The following TBC1D1 variants were observed in gnomAD, a reference collection of about 807,000 sequenced individuals.
TBC1D1 encodes TBC1 (tre-2/USP6, BUB2, cdc16) domain family, member 1.
In TBC1D1, 89 loss-of-function variants were observed where a neutral mutation model predicts 125.6. The ratio of observed to expected loss-of-function variants is 0.71; its 90% CI spans 0.60 to 0.85. TBC1D1 has a LOEUF of 0.85. TBC1D1 is among the 40% of genes least tolerant of loss of function. The pLI is 0.00. For missense variants in TBC1D1, 1,377 were observed against 1,469.2 expected (o/e 0.94, Z 1.03); for synonymous variants, 565 against 564.1 (o/e 1.00, Z -0.02).
chr4:38,006,622 GCA>G (rs1740270468), intron 2 of TBC1D1, among the ~76,000 whole-genome samples: 2 of 152,066 alleles, frequency 1.3e-5, no homozygotes, highest in Admixed American at 1.3e-4. Flanking sequence ...GGGACTACAG[GCA>G]TGTGCCACCA....
chr4:37,922,356 T>C (rs1721183451), intron 2 of TBC1D1, among the ~76,000 whole-genome samples: 1 of 152,118 alleles, frequency 6.6e-6, no homozygotes, highest in Admixed American at 6.5e-5. Context: ...TTTAGAGGGG[T>C]TCTGGCTTTA....
Position 38,014,556 on chromosome 4 carries a change from G to T in TBC1D1, c.465G>T (p.Arg155=). 1 of 1,613,322 alleles carries T rather than the reference G, an allele frequency of 6.2e-7. No individual in the cohort carries two copies. Among genetic ancestry groups the T allele is most frequent in the South Asian group, 1.1e-5 (1 of 91,080 alleles). The stretch of plus-strand genomic sequence containing the variant: ...TCCGTCAGGCGGGGAAGATCGCCCG[G>T]CAGGAGGAGCTGCACTGCCCGTCCG... Residue 155 remains arginine, a synonymous_variant, in exon 3 of 20, where the codon CGG becomes CGT. Coordinates refer to ENST00000261439, the MANE Select transcript of TBC1D1 (RefSeq NM_015173.4). This position sits in a 1 kb window ranked among gnomAD's most constrained non-coding sequence, Gnocchi z 5.1.
At chr4:38,045,088 T>C (rs11096921) in intron 9 of TBC1D1, among the ~76,000 whole-genome samples, 14,043 of 152,200 alleles carry the variant, frequency 0.092, 1,525 homozygotes, top group African/African-American at 0.26. Flanking sequence ...GTTTGCCAAA[T>C]ATAGCTCTAT....
chr4:38,070,158 G>A (rs115603436), intron 12 of TBC1D1, among the ~76,000 whole-genome samples: 1,957 of 152,328 alleles, frequency 0.013, 41 homozygotes, highest in African/African-American at 0.044. Flanking sequence ...GTAACAGTTA[G>A]TGGTTATCTA....
At chr4:38,058,453 G>A (rs913063400) in intron 12 of TBC1D1, among the ~76,000 whole-genome samples, 3 of 152,194 alleles carry the variant, frequency 2.0e-5, no homozygotes, top group Non-Finnish European at 2.9e-5. Flanking sequence ...ATTTGCCTGG[G>A]CGGCTGAGCC....
At chr4:37,968,715 T>C (rs1178834373) in intron 2 of TBC1D1, among the ~76,000 whole-genome samples, 4 of 152,236 alleles carry the variant, frequency 2.6e-5, no homozygotes, top group Admixed American at 2.6e-4. Context: ...AAGATTCATC[T>C]TGAATCCGGC....
intron 2 of TBC1D1, among the ~76,000 whole-genome samples, chr4:38,001,291 A>G (rs1417420825): frequency 2.0e-5 from 3 of 152,132 alleles, no homozygotes; most frequent in Non-Finnish European, 4.4e-5. Context: ...AAGGCAAGGT[A>G]TGGAAGGGGT....
intron 12 of TBC1D1, among the ~76,000 whole-genome samples, chr4:38,077,997 G>C (rs1755894918): frequency 6.6e-6 from 1 of 152,178 alleles, no homozygotes; most frequent in South Asian, 2.1e-4. Context: ...CCAGACGCTA[G>C]AGTCCACTTT....
chr4:37,907,882 C>T (rs944717520), intron 2 of TBC1D1, among the ~76,000 whole-genome samples: 4 of 152,206 alleles, frequency 2.6e-5, no homozygotes, highest in Non-Finnish European at 4.4e-5. Flanking sequence ...CAATCTGCCC[C>T]TCATACTGAT....
intron 12 of TBC1D1, among the ~76,000 whole-genome samples, chr4:38,067,279 A>G (rs1201831805): frequency 6.6e-6 from 1 of 152,248 alleles, no homozygotes; most frequent in Non-Finnish European, 1.5e-5. Flanking sequence ...ACTTGAAAGA[A>G]TGATGGGTTT....
At chr4:38,116,221 T>C (rs1353725115) in intron 16 of TBC1D1, among the ~76,000 whole-genome samples, 2 of 152,178 alleles carry the variant, frequency 1.3e-5, no homozygotes, top group East Asian at 3.9e-4. Flanking sequence ...AGCTAGCAAG[T>C]GTCAGAGCTG....
At chr4:38,107,902 C>T (rs1761605060) in intron 15 of TBC1D1, among the ~76,000 whole-genome samples, 1 of 152,086 alleles carries the variant, frequency 6.6e-6, no homozygotes, top group African/African-American at 2.4e-5. Context: ...TGGCTCTGCC[C>T]ACTCCATGCC....
chr4:38,113,349 C>A (rs1405203586), intron 15 of TBC1D1, among the ~76,000 whole-genome samples: 2 of 152,180 alleles, frequency 1.3e-5, no homozygotes, highest in African/African-American at 4.8e-5. Context: ...CTGCTAGGCC[C>A]ACCCTCTTAG....
rs28712831 is a variant in TBC1D1, at chr4:38,035,748, C to T, written c.1413+50C>T. Reference sequence around the variant, plus strand: ...TTGTTGCCAAGTCTCTGCCAAGTCTCTGTATAAACAACGTTTTGAGGATTT... The same window carrying T: ...TTGTTGCCAAGTCTCTGCCAAGTCTTTGTATAAACAACGTTTTGAGGATTT... On this transcript the variant is annotated intron_variant, in intron 8 of 19. Coordinates refer to ENST00000261439, the MANE Select transcript of TBC1D1 (RefSeq NM_015173.4). 17,420 of 1,336,720 alleles carry T rather than the reference C, an allele frequency of 0.013. 879 individuals are homozygous for T. In the African/African-American group the frequency reaches 0.14, roughly 11 times the overall value. The allele number at this position is 1,336,720 out of a possible 1,614,324, so 82.8% of individuals were successfully genotyped here. A position where few individuals can be genotyped will look rare whatever the true frequency, so the allele number is the denominator to read the frequency against.
At chr4:37,951,660 T>C (rs905227753) in intron 2 of TBC1D1, among the ~76,000 whole-genome samples, 1 of 152,154 alleles carries the variant, frequency 6.6e-6, no homozygotes, top group Non-Finnish European at 1.5e-5. Flanking sequence ...GGAGAGGCGG[T>C]GACACTCAGC....
At chr4:38,063,464 G>A (rs1052144216) in intron 12 of TBC1D1, among the ~76,000 whole-genome samples, 3 of 127,254 alleles carry the variant, frequency 2.4e-5, no homozygotes, top group Non-Finnish European at 5.0e-5. Flanking sequence ...CTCTGAGGAG[G>A]GAGTTTTTTT....
At chr4:37,929,006 T>C (rs895388306) in intron 2 of TBC1D1, among the ~76,000 whole-genome samples, 3 of 152,258 alleles carry the variant, frequency 2.0e-5, no homozygotes, top group Non-Finnish European at 4.4e-5. Flanking sequence ...CCTTTTGGAC[T>C]GTTAGTCTGA....
chr4:38,072,862 A>G (rs1754937840), intron 12 of TBC1D1, among the ~76,000 whole-genome samples: 1 of 152,114 alleles, frequency 6.6e-6, no homozygotes, highest in South Asian at 2.1e-4. Context: ...GTAGAGTCAT[A>G]TGGTATTTGT....
chr4:38,126,951 CT>C (rs1423531489), intron 18 of TBC1D1, among the ~76,000 whole-genome samples: 2 of 152,058 alleles, frequency 1.3e-5, no homozygotes, highest in Non-Finnish European at 2.9e-5. Context: ...CTTCTCCACC[CT>C]TTTGATTCTT....
Sources: allele counts gnomAD v4.1 joint callset (sites outside exome capture counted in the v4.1 genomes callset), GRCh38; gene constraint gnomAD v4.1.1; non-coding constraint Gnocchi (gnomAD v3.1); transcripts MANE v1.5; gene names NCBI Gene and HGNC (gene_info 2026-07-23, HGNC 2026-07-21).